Variants in TEX14 observed in about 807,000 individuals in gnomAD.
The protein encoded by TEX14 is testis expressed 14, intercellular bridge forming factor.
A neutral mutation model predicts 178.6 loss-of-function variants in TEX14; 168 were observed. The ratio of observed to expected loss-of-function variants is 0.94; its 90% confidence interval spans 0.83 to 1.07. TEX14 has a LOEUF of 1.07. Among genes scored for constraint, TEX14 ranks in the 50% least tolerant of loss-of-function variants. The probability of loss-of-function intolerance (pLI) is 0.00; values close to 1 mark genes in which losing one functional copy is unlikely to be tolerated. For synonymous variants in TEX14, 626 were observed against 634.1 expected, an observed-to-expected ratio of 0.99 and a Z score of 0.19; for missense variants, 1,730 against 1,753.6, an observed-to-expected ratio of 0.99 and a Z score of 0.24.
chr17:58,653,918 A>G (rs1426392802), intron 1 of TEX14, among the ~76,000 whole-genome samples: 1 of 152,128 alleles, frequency 6.6e-6, no homozygotes, highest in Non-Finnish European at 1.5e-5. Context: ...ATGGTGGCTC[A>G]TGCCTGTAAT....
intron 5 of TEX14, among the ~76,000 whole-genome samples, chr17:58,620,346 T>C (rs1417469336): frequency 6.6e-6 from 1 of 152,170 alleles, no homozygotes; most frequent in African/African-American, 2.4e-5. Flanking sequence ...ACTTTATTTT[T>C]TGAGACAGGA....
intron 28 of TEX14, among the ~76,000 whole-genome samples, chr17:58,563,470 T>C (rs2044312033): frequency 6.7e-6 from 1 of 150,056 alleles, no homozygotes; most frequent in African/African-American, 2.5e-5. Flanking sequence ...CAAGAGAAAA[T>C]AACAACAAAT....
intron 1 of TEX14, among the ~76,000 whole-genome samples, chr17:58,681,814 G>A (rs2047505720): frequency 6.6e-6 from 1 of 151,940 alleles, no homozygotes; most frequent in African/African-American, 2.4e-5. Context: ...TTGCACTCCA[G>A]CCTGGGTGAC....
At chr17:58,667,082 A>C (rs1165170844) in intron 1 of TEX14, among the ~76,000 whole-genome samples, 1 of 152,212 alleles carries the variant, frequency 6.6e-6, no homozygotes, top group Admixed American at 6.5e-5. Context: ...GGCGTAGCCT[A>C]AGGCCTTCGG....
At position 58,572,001 on chromosome 17, in the gene TEX14, T is replaced by A; in HGVS notation, c.3637A>T (p.Ile1213Leu). Residue 1213 changes from isoleucine (I) to leucine (L), a missense_variant, in exon 24 of 32, where the codon ATA becomes TTA. Around this residue, in one of 2 missense-constraint regions of TEX14, gnomAD observed 941 missense variants for 1,072.4 expected, o/e 0.88. Transcript: ENST00000349033. ...TTCTTTGCTCTCTCTCGGACACTTA[T>A]AAAGTCATCAGACAAAGTTTGAATA... ...EFIQTLSDDF[I>L]SVRERAKKLD... 1.2e-6 allele frequency: 2 copies of A among 1,614,184 alleles called. No homozygotes were observed. The highest frequency in any genetic ancestry group is 8.5e-7 in the Non-Finnish European group (1 of 1,180,044).
chr17:58,648,897 C>T (rs2046777654), intron 2 of TEX14, among the ~76,000 whole-genome samples: 1 of 142,522 alleles, frequency 7.0e-6, no homozygotes, highest in African/African-American at 2.6e-5. Flanking sequence ...TCATGCCATT[C>T]TCCTGCCTCA....
intron 5 of TEX14, 64 bp downstream of exon 5, chr17:58,621,586 C>T: frequency 6.6e-7 from 1 of 1,521,824 alleles, no homozygotes; most frequent in Non-Finnish European, 8.9e-7. Flanking sequence ...ACCCATGCTG[C>T]AGGGCTCCCA....
chr17:58,666,021 C>T (rs2047197019), intron 1 of TEX14, among the ~76,000 whole-genome samples: 1 of 150,960 alleles, frequency 6.6e-6, no homozygotes. Context: ...TCAACTCCAG[C>T]CTGGGAGACG....
chr17:58,625,225 C>T (rs565361521), intron 3 of TEX14, among the ~76,000 whole-genome samples: 123 of 152,026 alleles, frequency 8.1e-4, no homozygotes, highest in African/African-American at 2.8e-3. Flanking sequence ...CTCTGCCTCT[C>T]GTGTTCAAGA....
chr17:58,666,701 G>A (rs543738268), intron 1 of TEX14: 10 of 152,132 alleles, frequency 6.6e-5, no homozygotes, highest in Non-Finnish European at 1.3e-4. Context: ...TAATTATGAG[G>A]TACTTGCGTG....
intron 1 of TEX14, among the ~76,000 whole-genome samples, chr17:58,657,939 G>C (rs1162090224): frequency 3.9e-5 from 6 of 152,156 alleles, no homozygotes; most frequent in African/African-American, 1.4e-4. Flanking sequence ...ATCAGTGCTT[G>C]ACATATTTTG....
At chr17:58,677,718 C>T (rs2047417692) in intron 1 of TEX14, 1 of 73,102 alleles carries the variant, frequency 1.4e-5, no homozygotes, top group African/African-American at 1.2e-4. Context: ...GTCAGGGTAT[C>T]TTCCCTGCCC....
chr17:58,627,769 CAA>C (rs34691705), intron 3 of TEX14, among the ~76,000 whole-genome samples: 114 of 66,924 alleles, frequency 1.7e-3, no homozygotes, highest in African/African-American at 6.9e-3. Context: ...GACTCTATCT[CAA>C]AAAAAAAAAA....
At chr17:58,611,482 A>C (rs2045745855) in intron 9 of TEX14, 143 bp from the exon 10 acceptor site, 1 of 640,636 alleles carries the variant, frequency 1.6e-6, no homozygotes, top group South Asian at 2.0e-5. Context: ...CCTAAAGCTC[A>C]GTGAGGCTAA....
intron 2 of TEX14, 37 bp from the exon 3 acceptor site, chr17:58,630,591 A>G (rs2046265308): frequency 6.7e-7 from 1 of 1,487,232 alleles, no homozygotes; most frequent in African/African-American, 1.4e-5. Context: ...CAAATATCAG[A>G]AAATTTCCTG....
chr17:58,678,809 A>C (rs1336361863), intron 1 of TEX14, among the ~76,000 whole-genome samples: 1 of 116,548 alleles, frequency 8.6e-6, no homozygotes, highest in Admixed American at 1.0e-4. Context: ...TGTACCCTAG[A>C]ACTTAAAGTA....
rs762321371 is a variant in TEX14 at position 58,660,979 on chromosome 17, T to C, written c.-1-8977A>G. The C allele has an allele frequency of 3.4e-6, 4 of 1,167,070 alleles. No homozygotes were observed. The East Asian group carries it at 7.0e-5, about 20-fold the overall frequency. The allele number at this position is 1,167,070 out of a possible 1,614,324, so 72.3% of individuals were successfully genotyped here. A position where few individuals can be genotyped will look rare whatever the true frequency, so the allele number is the denominator to read the frequency against. On this transcript the variant is annotated intron_variant, in intron 1 of 31. Transcript: ENST00000349033. ...CCTGATCAATGCTCTCAATCTCTTC[T>C]AAGCTGATATCAATCCACCTCTGAA...
At chr17:58,606,427 A>G (rs1204978554) in intron 10 of TEX14, among the ~76,000 whole-genome samples, 1 of 152,200 alleles carries the variant, frequency 6.6e-6, no homozygotes, top group African/African-American at 2.4e-5. Flanking sequence ...TGGTCTGGAA[A>G]AAGGATAGAT....
intron 2 of TEX14, chr17:58,631,790 C>T (rs931563224): frequency 5.9e-5 from 9 of 152,248 alleles, no homozygotes; most frequent in South Asian, 2.1e-4. Context: ...TTCAGATATA[C>T]TCCTCGAGAA....
Sources: gnomAD v4.1 joint callset for allele counts (sites outside exome capture counted in the v4.1 genomes callset) on GRCh38, gnomAD v4.1.1 for gene constraint, gnomAD v4.1.1 regional missense constraint, MANE v1.5 for transcripts, NCBI Gene and HGNC (gene_info 2026-07-23, HGNC 2026-07-21) for gene names.